Variants in VWA3B observed in about 807,000 individuals in gnomAD.
The protein encoded by VWA3B is von Willebrand factor A domain-containing protein 3B.
VWA3B carries 138 observed loss-of-function variants against 158.3 expected under a neutral mutation model. That is an observed-to-expected ratio of 0.87 (90% CI 0.76 to 1.00). The LOEUF is 1.00. Ranked by LOEUF, VWA3B falls within the 50% of genes least tolerant of loss-of-function variation. The probability of loss-of-function intolerance (pLI) is 0.00; values close to 1 mark genes in which losing one functional copy is unlikely to be tolerated. For synonymous variants in VWA3B, 596 were observed against 587.3 expected, an observed-to-expected ratio of 1.01 and a Z score of -0.21; for missense variants, 1,555 against 1,565.1, an observed-to-expected ratio of 0.99 and a Z score of 0.11.
chr2:98,206,171 T>C (rs188355533), intron 12 of VWA3B: 165 of 152,918 alleles, frequency 1.1e-3, no homozygotes, highest in Admixed American at 1.8e-3. Flanking sequence ...CTGTGGGTCA[T>C]GTCTGCTGCC....
chr2:98,156,490 C>T (rs556144840), intron 7 of VWA3B, among the ~76,000 whole-genome samples: 70 of 152,240 alleles, frequency 4.6e-4, no homozygotes, highest in African/African-American at 1.5e-3. Flanking sequence ...GATGCCGGTG[C>T]GGGGTTGCTC....
intron 7 of VWA3B, among the ~76,000 whole-genome samples, chr2:98,161,218 T>G (rs538837128): frequency 2.2e-4 from 33 of 152,368 alleles, no homozygotes; most frequent in Admixed American, 1.8e-3. Context: ...GGGCAGGGAC[T>G]GCCAGTTGCC....
intron 15 of VWA3B, 90 bp downstream of exon 15, chr2:98,228,422 T>C: frequency 7.0e-7 from 1 of 1,436,482 alleles, no homozygotes; most frequent in Non-Finnish European, 9.2e-7. Context: ...TGAAATGCTC[T>C]GTGAAATTTC....
At chr2:98,329,058 A>G in the VWA3B span, among the ~76,000 whole-genome samples, 2 of 152,232 alleles carry the variant, frequency 1.3e-5, no homozygotes, top group Non-Finnish European at 2.9e-5. Context: ...GATTTTCAAC[A>G]AAAGTCCCAA....
chr2:98,119,638 A>C lies in VWA3B; in HGVS notation c.417A>C (p.Glu139Asp). 1 of 1,614,060 alleles carries C rather than the reference A, an allele frequency of 6.2e-7. No individual in the cohort carries two copies. The highest frequency in any genetic ancestry group is 8.5e-7 in the Non-Finnish European group (1 of 1,180,006). ...KSRQIFGVIL[E>D]QCVTIVLDFG... ...GGCAGATTTTTGGTGTCATCTTGGA[A>C]CAGTGCGTCACCATAGTGCTGGATT... The change falls in exon 4 of 28, where the codon GAA becomes GAC. Residue 139 changes from glutamate (E) to aspartate (D), a missense_variant. Glu to Asp is a conservative substitution (Grantham distance 45). Transcript: ENST00000477737.
chr2:98,302,865 C>T (rs73961209), intron 25 of VWA3B, among the ~76,000 whole-genome samples: 7 of 152,116 alleles, frequency 4.6e-5, no homozygotes, highest in East Asian at 1.9e-4. Flanking sequence ...TAGGGTTAAG[C>T]GCAAAGGAGA....
intron 7 of VWA3B, among the ~76,000 whole-genome samples, chr2:98,149,373 A>T (rs1460605688): frequency 6.6e-6 from 1 of 152,228 alleles, no homozygotes; most frequent in Non-Finnish European, 1.5e-5. Flanking sequence ...CCTCCACAGG[A>T]TGTGAGCTGG....
At chr2:98,317,502 A>G (rs1425779769), downstream of VWA3B, among the ~76,000 whole-genome samples, 2 of 152,148 alleles carry the variant, frequency 1.3e-5, no homozygotes, top group Non-Finnish European at 2.9e-5. Context: ...TTTACAATCT[A>G]TTCTCTCTGA....
intron 10 of VWA3B, among the ~76,000 whole-genome samples, chr2:98,189,644 G>C (rs1259510510): frequency 6.6e-6 from 1 of 152,106 alleles, no homozygotes; most frequent in African/African-American, 2.4e-5. Context: ...TTCTCTAGTT[G>C]TTCTATAAAT....
In VWA3B at chr2:98,092,860, A is replaced by G. The variant is rs556403343; in HGVS notation, c.-32-201A>G. ...TATATATATATATATATATATATATAGTTGAATATTGAACTTTATGGATAC... is the reference window on the plus strand; with the variant it reads ...TATATATATATATATATATATATATGGTTGAATATTGAACTTTATGGATAC... On this transcript the variant is annotated intron_variant, in intron 1 of 27. Transcript: ENST00000477737. Among the ~76,000 whole-genome samples the G allele has an allele frequency of 2.9e-3, 344 of 118,486 alleles. 2 individuals carry two copies. The highest frequency in any genetic ancestry group is 4.8e-3 in the Non-Finnish European group (270 of 56,786). The allele number at this position is 118,486 out of a possible 152,430, so 77.7% of individuals were successfully genotyped here.
chr2:98,125,091 T>C lies in VWA3B; in HGVS notation c.703-3148T>C, dbSNP rs1189185001. The stretch of plus-strand genomic sequence containing the variant: ...AAGCTACTCCTGGACTGAAGGCTGC[T>C]ACTGAGCCTCAGGACTGGACTTTGC... On this transcript the variant is annotated intron_variant, in intron 5 of 27. Coordinates refer to ENST00000477737, the MANE Select transcript of VWA3B (RefSeq NM_144992.5). The surrounding 1 kb of genome is among the most constrained non-coding windows in gnomAD (Gnocchi z 4.1). 6.6e-6 allele frequency among the ~76,000 whole-genome samples: 1 copy of C among 152,234 alleles called. No homozygotes were observed. The highest frequency in any genetic ancestry group is 1.5e-5 in the Non-Finnish European group (1 of 68,042).
intron 6 of VWA3B, among the ~76,000 whole-genome samples, chr2:98,130,959 G>A (rs1174033947): frequency 6.6e-6 from 1 of 152,164 alleles, no homozygotes; most frequent in Non-Finnish European, 1.5e-5. Context: ...TGGCTATTGT[G>A]AAATATAAAA....
At chr2:98,182,333 T>C (rs1680663139) in intron 9 of VWA3B, among the ~76,000 whole-genome samples, 1 of 152,218 alleles carries the variant, frequency 6.6e-6, no homozygotes, top group Non-Finnish European at 1.5e-5. Context: ...GAGCCCTACA[T>C]GCCCTCCATG....
intron 8 of VWA3B, among the ~76,000 whole-genome samples, chr2:98,173,442 G>A (rs1471676773): frequency 2.6e-5 from 4 of 152,136 alleles, no homozygotes; most frequent in Non-Finnish European, 4.4e-5. Flanking sequence ...TTTTCCAATG[G>A]GCACTGAGCT....
intron 7 of VWA3B, among the ~76,000 whole-genome samples, chr2:98,158,980 C>T (rs567108690): frequency 1.9e-4 from 29 of 152,212 alleles, no homozygotes; most frequent in African/African-American, 6.3e-4. Context: ...GCCAAATGAC[C>T]GTATTAATGA....
chr2:98,198,447 T>A (rs1381997861), intron 12 of VWA3B, among the ~76,000 whole-genome samples: 3 of 152,198 alleles, frequency 2.0e-5, no homozygotes, highest in Non-Finnish European at 2.9e-5. Flanking sequence ...AGCGTGCTTA[T>A]GTCATTCATT....
intron 1 of VWA3B, among the ~76,000 whole-genome samples, chr2:98,091,728 G>A (rs1004167618): frequency 3.3e-5 from 5 of 152,196 alleles, no homozygotes; most frequent in African/African-American, 9.7e-5. Flanking sequence ...GAATTTCCAT[G>A]TCATGACAGT....
chr2:98,227,329 A>G (rs928872088), intron 14 of VWA3B, among the ~76,000 whole-genome samples: 3 of 152,200 alleles, frequency 2.0e-5, no homozygotes, highest in Non-Finnish European at 2.9e-5. Flanking sequence ...CTAGGAATAC[A>G]GCTTACAAGG....
intron 7 of VWA3B, among the ~76,000 whole-genome samples, chr2:98,141,432 G>A (rs1172189863): frequency 1.3e-5 from 2 of 152,132 alleles, no homozygotes; most frequent in East Asian, 1.9e-4. Context: ...AGTGCATTAC[G>A]TGGAGAGAGA....
Sources: allele counts gnomAD v4.1 joint callset (sites outside exome capture counted in the v4.1 genomes callset), GRCh38; gene constraint gnomAD v4.1.1; non-coding constraint Gnocchi (gnomAD v3.1); transcripts MANE v1.5; gene names NCBI Gene and HGNC (gene_info 2026-07-23, HGNC 2026-07-21).